ZCCHC17: variants seen among roughly 807,000 people sequenced by gnomAD.
The protein encoded by ZCCHC17 is zinc finger CCHC-type containing 17.
In ZCCHC17, 18 loss-of-function variants were observed where a neutral mutation model predicts 30.6. The observed-to-expected ratio is 0.59, with a 90% CI of 0.41 to 0.87. The LOEUF is 0.87. ZCCHC17 is among the 40% of genes least tolerant of loss of function. The pLI, the probability that ZCCHC17 is intolerant of heterozygous loss-of-function variation, is 0.00. For synonymous variants in ZCCHC17, 88 were observed against 92.4 expected (o/e 0.95, Z 0.27); for missense variants, 263 against 284.2 (o/e 0.93, Z 0.54).
rs541640769 is a variant in ZCCHC17, at chr1:31,325,178, G to A, written c.124+6012G>A. ...CTGGGTCTCCTCTCTGCTAAGAGCT[G>A]CACTCAACAGGTTGACCTGCCTGTG... On this transcript the variant is annotated intron_variant, in intron 3 of 7. Transcript: ENST00000344147. 5.3e-5 allele frequency among the ~76,000 whole-genome samples: 8 copies of A among 152,212 alleles called. No individual in the cohort carries two copies. In the South Asian group the frequency reaches 1.2e-3, roughly 24 times the overall value.
intron 1 of ZCCHC17, among the ~76,000 whole-genome samples, chr1:31,298,924 GA>G (rs1646238859): frequency 6.6e-6 from 1 of 152,200 alleles, no homozygotes; most frequent in Non-Finnish European, 1.5e-5. Context: ...AGATACAGAA[GA>G]AAGGAAGGAG....
At chr1:31,322,680 A>T (rs1259241393) in intron 3 of ZCCHC17, among the ~76,000 whole-genome samples, 1 of 151,640 alleles carries the variant, frequency 6.6e-6, no homozygotes, top group Non-Finnish European at 1.5e-5. Context: ...CTCAGTCTCC[A>T]GCCCCTCTCC....
intron 3 of ZCCHC17, among the ~76,000 whole-genome samples, chr1:31,328,848 G>C (rs1638463402): frequency 6.6e-6 from 1 of 152,140 alleles, no homozygotes; most frequent in African/African-American, 2.4e-5. Flanking sequence ...CCTAGAAGTA[G>C]GAGATTGGTG....
intron 2 of ZCCHC17, 54 bp downstream of exon 2, chr1:31,310,218 G>A (rs1201751612): frequency 2.5e-6 from 4 of 1,582,326 alleles, no homozygotes; most frequent in Non-Finnish European, 3.5e-6. Context: ...TAGATTAAGG[G>A]TGACAACTGG....
chr1:31,331,315 A>AT (rs922934392), intron 3 of ZCCHC17, among the ~76,000 whole-genome samples: 82 of 147,172 alleles, frequency 5.6e-4, no homozygotes, highest in South Asian at 4.3e-3. Context: ...TAATTTTTGT[A>AT]TTTTTTTTTT....
chr1:31,328,158 A>G (rs1205672187), intron 3 of ZCCHC17, among the ~76,000 whole-genome samples: 1 of 152,160 alleles, frequency 6.6e-6, no homozygotes, highest in East Asian at 1.9e-4. Flanking sequence ...GTGTGTGATA[A>G]CTGTTCTTAC....
chr1:31,302,200 C>T (rs977081894), intron 1 of ZCCHC17, among the ~76,000 whole-genome samples: 2 of 152,064 alleles, frequency 1.3e-5, no homozygotes, highest in Non-Finnish European at 2.9e-5. Context: ...TGCCCTCCAG[C>T]CTGGGCAACA....
intron 2 of ZCCHC17, 112 bp downstream of exon 2, chr1:31,310,276 A>G: frequency 1.9e-6 from 2 of 1,049,966 alleles, no homozygotes; most frequent in Non-Finnish European, 2.8e-6. Context: ...TTACAGCTTA[A>G]ATGGGAAGGG....
intron 2 of ZCCHC17, chr1:31,318,271 T>C: frequency 6.7e-7 from 1 of 1,492,054 alleles, no homozygotes; most frequent in Non-Finnish European, 9.0e-7. Context: ...TTACAAATAA[T>C]CATTTAGTGT....
rs1447033583 is a variant in ZCCHC17 at position 31,346,504 on chromosome 1, T to G, written c.318-136T>G. The G allele has an allele frequency of 2.2e-5, 21 of 945,148 alleles. No homozygotes were observed. In the East Asian group the frequency reaches 5.3e-4, roughly 24 times the overall value. 58.5% of individuals were successfully genotyped at this position (945,148 alleles called of 1,614,324 possible). On this transcript the variant is annotated intron_variant, in intron 5 of 7. Coordinates refer to ENST00000344147, the MANE Select transcript of ZCCHC17 (RefSeq NM_016505.4). ...TTCACATCATTGCATTTACTGCCTGTCTCGTTCTGTCAAAAACTTTCTTTC... is the reference window on the plus strand; with the variant it reads ...TTCACATCATTGCATTTACTGCCTGGCTCGTTCTGTCAAAAACTTTCTTTC...
intron 2 of ZCCHC17, among the ~76,000 whole-genome samples, chr1:31,311,571 G>A (rs930487180): frequency 6.6e-6 from 1 of 152,196 alleles, no homozygotes; most frequent in Non-Finnish European, 1.5e-5. Flanking sequence ...CAGCAGATTT[G>A]GTGTCTAGTG....
At chr1:31,326,897 G>T (rs946230891) in intron 3 of ZCCHC17, among the ~76,000 whole-genome samples, 1 of 152,178 alleles carries the variant, frequency 6.6e-6, no homozygotes, top group Non-Finnish European at 1.5e-5. Context: ...TTAAGTCTCA[G>T]CCTGAAAGGA....
In ZCCHC17 at chr1:31,342,307, G is replaced by T. The variant is rs1051997867; in HGVS notation, c.317+3259G>T. On this transcript the variant is annotated intron_variant, in intron 5 of 7. Transcript: ENST00000344147. Reference sequence around the variant, plus strand: ...TGATCCCCCGCCTCAGCCTCCCAAAGTGCTGGGATTACAGGCATGAGCCAC... The same window carrying T: ...TGATCCCCCGCCTCAGCCTCCCAAATTGCTGGGATTACAGGCATGAGCCAC... Among the ~76,000 whole-genome samples the T allele has an allele frequency of 5.9e-5, 9 of 152,136 alleles. No individual in the cohort carries two copies. The South Asian group carries it at 6.2e-4, about 11-fold the overall frequency.
Position 31,359,769 on chromosome 1 carries a change from C to T in ZCCHC17, c.565-4263C>T, listed in dbSNP as rs1478669568. ...TTCCTTCCAGTGCCCCCTTGACCTG[C>T]GCCATGGGCTCACACTCCTATGCCA... On this transcript the variant is annotated intron_variant, in intron 7 of 7. Coordinates refer to ENST00000344147, the MANE Select transcript of ZCCHC17 (RefSeq NM_016505.4). Among the ~76,000 whole-genome samples, 6 of 152,100 alleles carry T rather than the reference C, an allele frequency of 3.9e-5. No individual in the cohort carries two copies. The East Asian group carries it at 1.2e-3, about 29-fold the overall frequency.
intron 5 of ZCCHC17, among the ~76,000 whole-genome samples, chr1:31,340,932 A>G (rs1639026479): frequency 6.6e-6 from 1 of 152,244 alleles, no homozygotes; most frequent in Non-Finnish European, 1.5e-5. Flanking sequence ...TATTGAATAC[A>G]TACTGCAGTG....
intron 2 of ZCCHC17, among the ~76,000 whole-genome samples, chr1:31,318,667 C>T (rs1170358784): frequency 6.6e-6 from 1 of 152,180 alleles, no homozygotes; most frequent in Non-Finnish European, 1.5e-5. Flanking sequence ...CCTGTGTGAT[C>T]CATCCCAAAT....
intron 3 of ZCCHC17, among the ~76,000 whole-genome samples, chr1:31,323,903 A>T (rs1646920896): frequency 2.0e-5 from 3 of 152,192 alleles, no homozygotes; most frequent in Non-Finnish European, 4.4e-5. Flanking sequence ...TTCTTTGAAG[A>T]ATTTAGTGTA....
intron 2 of ZCCHC17, among the ~76,000 whole-genome samples, chr1:31,317,326 C>T (rs918035895): frequency 2.0e-5 from 3 of 152,118 alleles, no homozygotes; most frequent in African/African-American, 7.2e-5. Flanking sequence ...TGCCTGGCCT[C>T]CCTAACTCTC....
chr1:31,307,810 G>A (rs1265986273), intron 1 of ZCCHC17, among the ~76,000 whole-genome samples: 1 of 151,826 alleles, frequency 6.6e-6, no homozygotes, highest in African/African-American at 2.4e-5. Flanking sequence ...CCTGACCTCA[G>A]ATGATCCACC....
Sources: gnomAD v4.1 joint callset for allele counts (sites outside exome capture counted in the v4.1 genomes callset) on GRCh38, gnomAD v4.1.1 for gene constraint, MANE v1.5 for transcripts, NCBI Gene and HGNC (gene_info 2026-07-23, HGNC 2026-07-21) for gene names.